SGCZ: variants seen among roughly 807,000 people sequenced by gnomAD.
SGCZ encodes sarcoglycan zeta.
In SGCZ, 40 loss-of-function variants were observed where a neutral mutation model predicts 41.3. The ratio of observed to expected loss-of-function variants is 0.97; its 90% CI spans 0.75 to 1.26. The LOEUF is 1.26. Among genes scored for constraint, SGCZ ranks in the 50% most tolerant of loss-of-function variants. The pLI is 0.00. For missense variants in SGCZ, 552 were observed against 369.8 expected (o/e 1.49, Z -4.04); for synonymous variants, 206 against 137.5 (o/e 1.50, Z -3.49).
intron 1 of SGCZ, among the ~76,000 whole-genome samples, chr8:14,979,861 C>T (rs1801604870): frequency 6.6e-6 from 1 of 152,154 alleles, no homozygotes; most frequent in Admixed American, 6.5e-5. Context: ...CCCTTTAGGG[C>T]ATAGTAAATT....
chr8:14,159,436 G>A (rs1803975984), intron 5 of SGCZ, among the ~76,000 whole-genome samples: 1 of 152,150 alleles, frequency 6.6e-6, no homozygotes, highest in Non-Finnish European at 1.5e-5. Flanking sequence ...AGCTTATTTT[G>A]TGAAGATGGC....
chr8:15,087,394 G>A (rs977366512), intron 1 of SGCZ, among the ~76,000 whole-genome samples: 6 of 151,996 alleles, frequency 3.9e-5, no homozygotes, highest in African/African-American at 7.2e-5. Context: ...TGATGTTAAC[G>A]TCAATATCCC....
At chr8:14,480,945 T>C (rs1801518943) in intron 2 of SGCZ, among the ~76,000 whole-genome samples, 1 of 152,072 alleles carries the variant, frequency 6.6e-6, no homozygotes, top group Non-Finnish European at 1.5e-5. Context: ...TGTAAAGACT[T>C]AATGAATGAA....
At position 15,097,393 on chromosome 8, in the gene SGCZ, C is replaced by T. The variant is rs1806387670; in HGVS notation, c.39+140192G>A. Among the ~76,000 whole-genome samples, 4 of 151,930 alleles carry T rather than the reference C, an allele frequency of 2.6e-5. No individual in the cohort carries two copies. The South Asian group carries it at 6.2e-4, about 24-fold the overall frequency. On this transcript the variant is annotated intron_variant, in intron 1 of 7. Transcript: ENST00000382080. ...CTAATGGTAATATAAAAGGCTGAGG[C>T]AACCGCAACTATAGTCAGTGCACCT... is the stretch of plus-strand genomic sequence containing the variant.
intron 1 of SGCZ, among the ~76,000 whole-genome samples, chr8:14,844,207 C>T (rs1803022108): frequency 6.6e-6 from 1 of 152,038 alleles, no homozygotes; most frequent in African/African-American, 2.4e-5. Flanking sequence ...ATATACTTTA[C>T]CTGTTTCCAC....
chr8:14,272,295 C>A (rs1412082016), intron 3 of SGCZ, among the ~76,000 whole-genome samples: 6 of 152,224 alleles, frequency 3.9e-5, no homozygotes, highest in African/African-American at 1.4e-4. Context: ...TAAGCCACTG[C>A]ACCCGACCCT....
chr8:14,914,948 C>T (rs1240977251), intron 1 of SGCZ, among the ~76,000 whole-genome samples: 1 of 152,134 alleles, frequency 6.6e-6, no homozygotes, highest in Non-Finnish European at 1.5e-5. Context: ...AAAACCCTTG[C>T]AAGCAAAAGG....
At chr8:15,216,267 T>C (rs13277557) in intron 1 of SGCZ, among the ~76,000 whole-genome samples, 2 of 145,346 alleles carry the variant, frequency 1.4e-5, no homozygotes, top group African/African-American at 2.5e-5. Context: ...TCATCCAGGC[T>C]GGAGTGCAGC....
chr8:14,155,136 T>C (rs1417332716), intron 5 of SGCZ, among the ~76,000 whole-genome samples: 2 of 152,184 alleles, frequency 1.3e-5, no homozygotes, highest in Non-Finnish European at 2.9e-5. Flanking sequence ...TAGAATCACG[T>C]GGTATACACA....
chr8:15,185,137 A>G lies in SGCZ; in HGVS notation c.39+52448T>C, dbSNP rs193167530. ...GGGCAATTTTAATTGGGAACTAGGT[A>G]AACCTCACACACTCTCTGAAGCAAA... On this transcript the variant is annotated intron_variant, in intron 1 of 7. Transcript: ENST00000382080. Among the ~76,000 whole-genome samples, 217 of 152,306 alleles carry G rather than the reference A, an allele frequency of 1.4e-3. 1 individual carries two copies. Among genetic ancestry groups the G allele is most frequent in the Middle Eastern group, 0.01 (3 of 294 alleles).
rs1438506493 is a variant in SGCZ at position 14,237,660 on chromosome 8, T to A, written c.356A>T (p.Gln119Leu). 1 of 1,613,786 alleles carries A rather than the reference T, an allele frequency of 6.2e-7. No homozygotes were observed. The highest frequency in any genetic ancestry group is 2.2e-5 in the East Asian group (1 of 44,894). ...HSRKDSPLVL[Q>L]SDRNVTVNAR... Reference sequence around the variant, plus strand: ...ATTCACTGTGACATTCCTGTCAGACTGTAAGACCAGCGGACTATCCTGGGA... The same window carrying A: ...ATTCACTGTGACATTCCTGTCAGACAGTAAGACCAGCGGACTATCCTGGGA... Residue 119 changes from glutamine to leucine, a missense_variant, in exon 4 of 8, where the codon CAG (glutamine) becomes CTG (leucine). Physicochemically the swap from Gln to Leu is moderately radical, Grantham distance 113 (BLOSUM62 -2). Transcript: ENST00000382080.
At chr8:14,407,547 G>C (rs1393826763) in intron 2 of SGCZ, among the ~76,000 whole-genome samples, 2 of 151,986 alleles carry the variant, frequency 1.3e-5, no homozygotes, top group Non-Finnish European at 2.9e-5. Context: ...AATAACATTA[G>C]ATGATAAATA....
At chr8:14,247,353 G>A (rs940918267) in intron 3 of SGCZ, among the ~76,000 whole-genome samples, 2 of 152,172 alleles carry the variant, frequency 1.3e-5, no homozygotes, top group African/African-American at 2.4e-5. Context: ...CCGATAATAC[G>A]GATGGTATTG....
At chr8:14,764,886 C>T (rs1241588176) in intron 1 of SGCZ, among the ~76,000 whole-genome samples, 1 of 152,038 alleles carries the variant, frequency 6.6e-6, no homozygotes, top group African/African-American at 2.4e-5. Context: ...TATAAAGAGT[C>T]ATAATGTTTA....
At chr8:14,112,290 G>C (rs917175361) in intron 5 of SGCZ, among the ~76,000 whole-genome samples, 3 of 100,822 alleles carry the variant, frequency 3.0e-5, no homozygotes, top group Non-Finnish European at 6.0e-5. Context: ...TTGTGGGGGG[G>C]GGGTGCAAAG....
intron 2 of SGCZ, among the ~76,000 whole-genome samples, chr8:14,332,826 A>C (rs1382937739): frequency 6.6e-6 from 1 of 151,198 alleles, no homozygotes. Flanking sequence ...GAATATACTT[A>C]TATGCATATA....
intron 1 of SGCZ, among the ~76,000 whole-genome samples, chr8:14,882,582 T>C (rs925233382): frequency 6.6e-6 from 1 of 152,174 alleles, no homozygotes; most frequent in African/African-American, 2.4e-5. Context: ...TCAGAGTGCT[T>C]AGGTTCTTAG....
intron 1 of SGCZ, among the ~76,000 whole-genome samples, chr8:14,700,467 T>C (rs1343558606): frequency 6.6e-6 from 1 of 151,788 alleles, no homozygotes; most frequent in African/African-American, 2.4e-5. Flanking sequence ...AGAGGATGGA[T>C]GGCAGGAGAT....
At chr8:14,549,250 T>C (rs977713530) in intron 2 of SGCZ, among the ~76,000 whole-genome samples, 2 of 152,116 alleles carry the variant, frequency 1.3e-5, no homozygotes, top group South Asian at 2.1e-4. Context: ...CAAAGGACTG[T>C]ACTTTCACTG....
Sources: gnomAD v4.1 joint callset for allele counts (sites outside exome capture counted in the v4.1 genomes callset) on GRCh38, gnomAD v4.1.1 for gene constraint, MANE v1.5 for transcripts, NCBI Gene and HGNC (gene_info 2026-07-23, HGNC 2026-07-21) for gene names.